GRB10: variants seen among roughly 807,000 people sequenced by gnomAD.
GRB10 encodes the protein growth factor receptor bound protein 10, also known as growth factor receptor-bound protein 10.
In GRB10, 20 loss-of-function variants were observed where a neutral mutation model predicts 80.9. The ratio of observed to expected loss-of-function variants is 0.25; its 90% CI spans 0.17 to 0.36. The LOEUF (loss-of-function observed/expected upper bound fraction) is 0.36. Among genes scored for constraint, GRB10 ranks in the 10% least tolerant of loss-of-function variants. GRB10 has a pLI of 1.00. For synonymous variants in GRB10, 291 were observed against 291.5 expected (o/e 1.00, Z 0.02); for missense variants, 548 against 747.7 (o/e 0.73, Z 3.12).
chr7:50,638,650 T>C (rs1214274461), intron 7 of GRB10, among the ~76,000 whole-genome samples: 3 of 152,170 alleles, frequency 2.0e-5, no homozygotes, highest in Admixed American at 1.3e-4. Context: ...GGTGGGAATG[T>C]AAATTAATAC....
chr7:50,618,159 C>A lies in GRB10; in HGVS notation c.778-20G>T, dbSNP rs759736465. 2 of 1,594,328 alleles carry A rather than the reference C, an allele frequency of 1.3e-6. No homozygotes were observed. The highest frequency in any genetic ancestry group is 1.1e-5 in the South Asian group (1 of 90,698). Reference sequence around the variant, plus strand: ...GAAATTCTAAGAAAATGGGAAAAAACAAATACGTAAAAGGTTAGCTTCAAA... The same window carrying A: ...GAAATTCTAAGAAAATGGGAAAAAAAAAATACGTAAAAGGTTAGCTTCAAA... On this transcript the variant is annotated intron_variant, in intron 9 of 18. Coordinates refer to ENST00000401949, the MANE Select transcript of GRB10 (RefSeq NM_001350814.2).
At chr7:50,746,452 T>C (rs1242496301) in intron 3 of GRB10, among the ~76,000 whole-genome samples, 2 of 152,144 alleles carry the variant, frequency 1.3e-5, no homozygotes, top group African/African-American at 4.8e-5. Context: ...AGTGATTTAT[T>C]TTCTTTTATA....
chr7:50,788,885 C>A (rs1385930051), intron 1 of GRB10, among the ~76,000 whole-genome samples: 1 of 152,210 alleles, frequency 6.6e-6, no homozygotes, highest in Non-Finnish European at 1.5e-5. Context: ...ACAGGCTCCA[C>A]AGGCCTGGAG....
In GRB10 at chr7:50,674,587, T is replaced by C. The variant is rs916597844; in HGVS notation, c.211A>G (p.Ser71Gly). 6.2e-7 allele frequency: 1 copy of C among 1,613,556 alleles called. No individual in the cohort carries two copies. The highest frequency in any genetic ancestry group is 8.5e-7 in the Non-Finnish European group (1 of 1,180,046). The change falls in exon 6 of 19, where the codon AGC (serine) becomes GGC (glycine). Residue 71 changes from serine (S) to glycine (G), a missense_variant. By Grantham distance (56) the Ser-to-Gly change is moderately conservative. This residue lies in a region of GRB10 where 245 missense variants were observed against 229.3 expected (regional missense o/e 1.07). Transcript: ENST00000401949. ...AGGGGCACCGTGTCTGACTGCATGCTGCAGGCCGAGTACAGGCTCTCCAGG... is the reference window on the plus strand; with the variant it reads ...AGGGGCACCGTGTCTGACTGCATGCCGCAGGCCGAGTACAGGCTCTCCAGG... Reference protein sequence around the residue: ...ASLESLYSACSMQSDTVPLLQ... With the variant: ...ASLESLYSACGMQSDTVPLLQ...
intron 1 of GRB10, among the ~76,000 whole-genome samples, chr7:50,789,761 A>G (rs1201523452): frequency 2.0e-5 from 3 of 148,970 alleles, no homozygotes; most frequent in Non-Finnish European, 2.9e-5. Context: ...AGGGGAAAAG[A>G]AAAAATCTCC....
At chr7:50,650,616 A>G (rs2057887450) in intron 7 of GRB10, among the ~76,000 whole-genome samples, 1 of 152,202 alleles carries the variant, frequency 6.6e-6, no homozygotes, top group Non-Finnish European at 1.5e-5. Context: ...GGCCCTGGGA[A>G]GATGTAAGGA....
intron 7 of GRB10, among the ~76,000 whole-genome samples, chr7:50,649,861 G>C (rs1586337603): frequency 6.6e-6 from 1 of 152,180 alleles, no homozygotes; most frequent in East Asian, 1.9e-4. Flanking sequence ...AGTTAGGTGA[G>C]GAGGCCTTGG....
In GRB10 at chr7:50,721,883, A is replaced by G. The variant is rs117132001; in HGVS notation, c.51+10389T>C. ...GGGTGTGGCAGGGACTGCTGTGGGAAGGGAAGGTGTCTGGGCTGAAGTCCA... is the reference window on the plus strand; with the variant it reads ...GGGTGTGGCAGGGACTGCTGTGGGAGGGGAAGGTGTCTGGGCTGAAGTCCA... On this transcript the variant is annotated intron_variant, in intron 4 of 18. Coordinates refer to ENST00000401949, the MANE Select transcript of GRB10 (RefSeq NM_001350814.2). Among the ~76,000 whole-genome samples the G allele has an allele frequency of 2.8e-3, 422 of 152,348 alleles. 3 individuals carry two copies. The highest frequency in any genetic ancestry group is 7.9e-3 in the South Asian group (38 of 4,832).
chr7:50,593,182 T>C, intron 18 of GRB10, 84 bp from the exon 19 acceptor site: 2 of 1,483,282 alleles, frequency 1.3e-6, no homozygotes, highest in Non-Finnish European at 1.9e-6. Flanking sequence ...AGCAGCTACA[T>C]CTGCCCATGA....
rs558025714 is a variant in GRB10, at chr7:50,601,671, G to GA, written c.1544+2326dup. On this transcript the variant is annotated intron_variant, in intron 17 of 18. Coordinates refer to ENST00000401949, the MANE Select transcript of GRB10 (RefSeq NM_001350814.2). ...ATGCCATTAACAGAGATCATCAGAGGAAAAAAAAAACAACAAAATCAAAGA... is the reference window on the plus strand; with the variant it reads ...ATGCCATTAACAGAGATCATCAGAGGAAAAAAAAAAACAACAAAATCAAAGA... Among the ~76,000 whole-genome samples, 502 of 144,766 alleles carry GA rather than the reference G, an allele frequency of 3.5e-3. 4 individuals carry two copies. Among genetic ancestry groups the GA allele is most frequent in the South Asian group, 0.01 (47 of 4,564 alleles). 95.0% of individuals were successfully genotyped at this position (144,766 alleles called of 152,430 possible). A position where few individuals can be genotyped will look rare whatever the true frequency, so the allele number is the denominator to read the frequency against.
chr7:50,722,447 A>G (rs1468511061), intron 4 of GRB10, among the ~76,000 whole-genome samples: 1 of 152,226 alleles, frequency 6.6e-6, no homozygotes. Flanking sequence ...AGCTTGCAGC[A>G]AGGTGGGAAA....
At chr7:50,628,313 C>T (rs966226839) in intron 7 of GRB10, among the ~76,000 whole-genome samples, 5 of 152,196 alleles carry the variant, frequency 3.3e-5, no homozygotes, top group Non-Finnish European at 5.9e-5. Flanking sequence ...AAACTCCCTC[C>T]GAGGCTCCCC....
At chr7:50,611,980 A>G (rs887546674) in intron 13 of GRB10, among the ~76,000 whole-genome samples, 2 of 152,168 alleles carry the variant, frequency 1.3e-5, no homozygotes, top group South Asian at 4.1e-4. Flanking sequence ...GGGATATGGT[A>G]TATGTGCACA....
intron 5 of GRB10, among the ~76,000 whole-genome samples, chr7:50,696,449 A>G (rs2529405): frequency 0.063 from 9,662 of 152,284 alleles, 1,028 homozygotes; most frequent in African/African-American, 0.22. Flanking sequence ...TACACAAGAC[A>G]GCAGAGTTTC....
intron 5 of GRB10, among the ~76,000 whole-genome samples, chr7:50,677,659 C>G (rs2061101126): frequency 1.3e-5 from 2 of 152,226 alleles, no homozygotes; most frequent in South Asian, 4.1e-4. Context: ...GGAATAGCTG[C>G]TTAATTGAAG....
At chr7:50,758,979 G>A (rs11238313) in intron 2 of GRB10, among the ~76,000 whole-genome samples, 94,444 of 142,008 alleles carry the variant, frequency 0.67, 32,103 homozygotes, top group Middle Eastern at 0.87. Flanking sequence ...GAGCTCAGGA[G>A]TTCAAGACCA....
At position 50,605,317 on chromosome 7, in the gene GRB10, T is replaced by C. The variant is rs770996715; in HGVS notation, c.1362A>G (p.Ala454=). The C allele has an allele frequency of 6.2e-6, 10 of 1,613,816 alleles. No homozygotes were observed. Among genetic ancestry groups the C allele is most frequent in the Middle Eastern group, 1.6e-4 (1 of 6,082 alleles). The change falls in exon 15 of 19, where the codon GCA becomes GCG. Residue 454 remains alanine, a synonymous_variant. Transcript: ENST00000401949. ...TCCAGGCGTGGCCCTCCTCCAGGGCTGCGCTCTGGGCCTCTGCCGGATTCT... is the reference window on the plus strand; with the variant it reads ...TCCAGGCGTGGCCCTCCTCCAGGGCCGCGCTCTGGGCCTCTGCCGGATTCT... ...VIENPAEAQS[A]ALEEGHAWRK...
At chr7:50,747,638 C>T (rs1562596807) in intron 3 of GRB10, 1 of 152,186 alleles carries the variant, frequency 6.6e-6, no homozygotes, top group Non-Finnish European at 1.5e-5. Flanking sequence ...AAGCATGGAG[C>T]AGGGCAGCTC....
At chr7:50,722,277 T>C (rs1282960217) in intron 4 of GRB10, among the ~76,000 whole-genome samples, 3 of 152,272 alleles carry the variant, frequency 2.0e-5, no homozygotes, top group South Asian at 4.1e-4. Context: ...TTCAAGGACT[T>C]CCTGCAAGGG....
Sources: allele counts gnomAD v4.1 joint callset (sites outside exome capture counted in the v4.1 genomes callset), GRCh38; gene constraint gnomAD v4.1.1; regional missense constraint gnomAD v4.1.1; transcripts MANE v1.5; gene names NCBI Gene and HGNC (gene_info 2026-07-23, HGNC 2026-07-21).